The following ZYG11B variants were observed in gnomAD, a reference collection of about 807,000 sequenced individuals.
The protein encoded by ZYG11B is zyg-11 family member B, cell cycle regulator, also known as protein zyg-11 homolog B.
In ZYG11B, 36 loss-of-function variants were observed where a neutral mutation model predicts 82.4. That is an observed-to-expected ratio of 0.44 (90% confidence interval 0.33 to 0.58). ZYG11B has a LOEUF of 0.58. ZYG11B is among the 20% of genes least tolerant of loss of function. The pLI, the probability that ZYG11B is intolerant of heterozygous loss-of-function variation, is 0.02. For synonymous variants in ZYG11B, 303 were observed against 312.8 expected (o/e 0.97, Z 0.33); for missense variants, 552 against 895.6 (o/e 0.62, Z 4.90).
chr1:52,814,505 G>A (rs12401320), intron 12 of ZYG11B, among the ~76,000 whole-genome samples: 6,694 of 152,306 alleles, frequency 0.044, 202 homozygotes, highest in Non-Finnish European at 0.067. Flanking sequence ...TTGTGAGGGA[G>A]AGTGAATGTG....
intron 10 of ZYG11B, among the ~76,000 whole-genome samples, chr1:52,803,328 T>C (rs1430312528): frequency 1.4e-5 from 2 of 140,248 alleles, no homozygotes. Context: ...TCCCATCTAC[T>C]TGGGAGGCTG....
At chr1:52,813,155 A>G (rs1645197766) in intron 10 of ZYG11B, among the ~76,000 whole-genome samples, 1 of 152,192 alleles carries the variant, frequency 6.6e-6, no homozygotes, top group Admixed American at 6.5e-5. Flanking sequence ...ATTTATTCAT[A>G]TACTACTTTC....
intron 1 of ZYG11B, among the ~76,000 whole-genome samples, chr1:52,746,230 G>T (rs746213294): frequency 1.3e-5 from 2 of 152,170 alleles, no homozygotes; most frequent in Non-Finnish European, 2.9e-5. Flanking sequence ...GGGATTACAG[G>T]TGTGAGCCAC....
chr1:52,730,187 G>T (rs933759375), intron 1 of ZYG11B, among the ~76,000 whole-genome samples: 1 of 152,150 alleles, frequency 6.6e-6, no homozygotes, highest in African/African-American at 2.4e-5. Context: ...CTAAGACATA[G>T]TCCTTACTTT....
At chr1:52,767,840 C>T (rs1380852834) in intron 2 of ZYG11B, among the ~76,000 whole-genome samples, 2 of 152,172 alleles carry the variant, frequency 1.3e-5, no homozygotes, top group African/African-American at 4.8e-5. Flanking sequence ...TTCCACTAGA[C>T]TTCCTATGAC....
intron 3 of ZYG11B, among the ~76,000 whole-genome samples, chr1:52,775,339 C>T (rs1363178848): frequency 6.6e-6 from 1 of 151,924 alleles, no homozygotes; most frequent in Non-Finnish European, 1.5e-5. Flanking sequence ...TGCCTTTAAT[C>T]CCAGCACTTT....
At chr1:52,753,680 T>A (rs1644545725) in intron 1 of ZYG11B, among the ~76,000 whole-genome samples, 2 of 152,018 alleles carry the variant, frequency 1.3e-5, no homozygotes, top group Admixed American at 1.3e-4. Context: ...CATCGCAACC[T>A]CTGCCTCCCG....
intron 1 of ZYG11B, among the ~76,000 whole-genome samples, chr1:52,741,020 G>A (rs939135257): frequency 6.6e-6 from 1 of 151,894 alleles, no homozygotes; most frequent in African/African-American, 2.4e-5. Flanking sequence ...AGTTTTTGCT[G>A]GGCGGGGTGG....
At chr1:52,776,533 C>CAAA (rs139862670) in intron 3 of ZYG11B, among the ~76,000 whole-genome samples, 9 of 92,122 alleles carry the variant, frequency 9.8e-5, no homozygotes, top group African/African-American at 3.3e-4. Context: ...GACTGTGTCT[C>CAAA]AAAAAAAAAA....
chr1:52,743,410 A>AAAAAAAAAAAAAAAAAAAAAAAT, intron 1 of ZYG11B, among the ~76,000 whole-genome samples: 1 of 150,828 alleles, frequency 6.6e-6, no homozygotes, highest in Non-Finnish European at 1.5e-5. Context: ...ACTAAAAAAA[A>AAAAAAAAAAAAAAAAAAAAAAAT]AAAAAAAAAA....
At chr1:52,735,576 A>AC (rs1644372301) in intron 1 of ZYG11B, among the ~76,000 whole-genome samples, 1 of 150,086 alleles carries the variant, frequency 6.7e-6, no homozygotes, top group South Asian at 2.1e-4. Flanking sequence ...TCTCTCTGCC[A>AC]CCCAGACTGG....
intron 2 of ZYG11B, among the ~76,000 whole-genome samples, chr1:52,757,654 G>A (rs1279812617): frequency 6.6e-6 from 1 of 151,958 alleles, no homozygotes; most frequent in Non-Finnish European, 1.5e-5. Context: ...CAGCCTGGGC[G>A]ACAGAGCAAG....
chr1:52,816,263 G>A (rs988810196), intron 12 of ZYG11B, among the ~76,000 whole-genome samples: 6 of 152,022 alleles, frequency 3.9e-5, no homozygotes, highest in African/African-American at 1.4e-4. Flanking sequence ...CTTCAAATGT[G>A]TATCTTTAAG....
At chr1:52,785,183 A>T in intron 5 of ZYG11B, 130 bp downstream of exon 5, 1 of 998,332 alleles carries the variant, frequency 1.0e-6, no homozygotes, top group South Asian at 1.8e-5. Flanking sequence ...TGAGTGTAAG[A>T]AAACAGAGAA....
In ZYG11B at chr1:52,755,675, A is replaced by G. The variant is rs1412496635; in HGVS notation, c.31-783A>G. Among the ~76,000 whole-genome samples, 6 of 151,360 alleles carry G rather than the reference A, an allele frequency of 4.0e-5. No individual in the cohort carries two copies. In the East Asian group the frequency reaches 1.2e-3, roughly 30 times the overall value. ...TGCCGCCACACCTGGCTAATTTTGT[A>G]TTAGTGTTTAGTGGAGACAGGGTTT... is the stretch of plus-strand genomic sequence containing the variant. On this transcript the variant is annotated intron_variant, in intron 1 of 13. Transcript: ENST00000294353.
chr1:52,747,486 A>G (rs779095302), intron 1 of ZYG11B, among the ~76,000 whole-genome samples: 4 of 152,118 alleles, frequency 2.6e-5, no homozygotes, highest in Non-Finnish European at 5.9e-5. Flanking sequence ...GGACTTCATT[A>G]TTAACAGACC....
intron 2 of ZYG11B, among the ~76,000 whole-genome samples, 192 bp downstream of exon 2, chr1:52,756,815 C>CTTTT (rs57189955): frequency 7.5e-6 from 1 of 132,558 alleles, no homozygotes; most frequent in Non-Finnish European, 1.6e-5. Flanking sequence ...AAACATTTTT[C>CTTTT]TTTTTTTTTT....
chr1:52,788,731 A>AAAAC (rs747731353), intron 5 of ZYG11B, among the ~76,000 whole-genome samples: 6 of 152,174 alleles, frequency 3.9e-5, no homozygotes, highest in South Asian at 4.1e-4. Context: ...CCCTGTCTCA[A>AAAAC]AAACAAACAA....
chr1:52,738,800 G>A (rs1644398654), intron 1 of ZYG11B, among the ~76,000 whole-genome samples: 1 of 151,374 alleles, frequency 6.6e-6, no homozygotes, highest in South Asian at 2.1e-4. Flanking sequence ...TGTATTTTTA[G>A]TAGAGACGGG....
Sources: allele counts gnomAD v4.1 joint callset (sites outside exome capture counted in the v4.1 genomes callset), GRCh38; gene constraint gnomAD v4.1.1; transcripts MANE v1.5; gene names NCBI Gene and HGNC (gene_info 2026-07-23, HGNC 2026-07-21).